POU3F3: variants seen among roughly 807,000 people sequenced by gnomAD.
The protein encoded by POU3F3 is POU domain, class 3, transcription factor 3.
POU3F3 carries 1 observed loss-of-function variant against 8.6 expected under a neutral mutation model. The ratio of observed to expected loss-of-function variants is 0.12; its 90% CI spans 0.04 to 0.55. POU3F3 has a LOEUF of 0.55. POU3F3 is among the 20% of genes least tolerant of loss of function. The pLI is 0.91. For synonymous variants in POU3F3, 418 were observed against 327.4 expected (o/e 1.28, Z -2.99); for missense variants, 577 against 690.7 (o/e 0.84, Z 1.84).
At chr2:104,912,394 C>T in the POU3F3 span, among the ~76,000 whole-genome samples, 1 of 152,280 alleles carries the variant, frequency 6.6e-6, no homozygotes, top group East Asian at 1.9e-4. Context: ...CCTTGCATTC[C>T]CACGCCAAAG....
At chr2:104,901,665 CAGT>C in the POU3F3 span, among the ~76,000 whole-genome samples, 6 of 152,200 alleles carry the variant, frequency 3.9e-5, no homozygotes, top group Admixed American at 3.9e-4. Flanking sequence ...AGTCCCCGAG[CAGT>C]TTGGTGTGAT....
chr2:104,868,508 C>T, the POU3F3 span: 7 of 376,390 alleles, frequency 1.9e-5, no homozygotes, highest in Non-Finnish European at 3.2e-5. Context: ...CTGCAGACCT[C>T]CAACTTCCAG....
chr2:104,900,257 G>A, the POU3F3 span, among the ~76,000 whole-genome samples: 596 of 152,274 alleles, frequency 3.9e-3, 2 homozygotes, highest in Non-Finnish European at 5.6e-3. Flanking sequence ...TGTACACTGC[G>A]CATGGTTAGA....
the POU3F3 span, among the ~76,000 whole-genome samples, chr2:104,876,685 C>T: frequency 8.5e-5 from 13 of 152,248 alleles, no homozygotes; most frequent in Middle Eastern, 3.4e-3. Context: ...ACTGTGGAGA[C>T]GGGGTCGTGG....
chr2:104,869,129 A>G, the POU3F3 span, among the ~76,000 whole-genome samples: 1 of 152,224 alleles, frequency 6.6e-6, no homozygotes, highest in African/African-American at 2.4e-5. Flanking sequence ...CTCCCTAGGG[A>G]CAAGCCCTTT....
the POU3F3 span, among the ~76,000 whole-genome samples, chr2:104,875,609 A>G: frequency 6.6e-6 from 1 of 152,372 alleles, no homozygotes; most frequent in South Asian, 2.1e-4. Flanking sequence ...TACAAATACA[A>G]TGAAATAAGA....
the POU3F3 span, among the ~76,000 whole-genome samples, chr2:104,922,047 T>C: frequency 6.6e-6 from 1 of 152,182 alleles, no homozygotes; most frequent in Non-Finnish European, 1.5e-5. Flanking sequence ...TCACAGTGCA[T>C]GCTCAAGGAT....
At position 104,857,070 on chromosome 2, in the gene POU3F3, A is replaced by C; in HGVS notation, c.*57A>C. 8.4e-7 allele frequency: 1 copy of C among 1,195,696 alleles called. No homozygotes were observed. Among genetic ancestry groups the C allele is most frequent in the Non-Finnish European group, 1.0e-6 (1 of 963,168 alleles). The allele number at this position is 1,195,696 out of a possible 1,614,324, so 74.1% of individuals were successfully genotyped here. On this transcript the variant is annotated 3_prime_UTR_variant, in exon 1 of 1. Transcript: ENST00000361360. ...CGCCGCCGCCTCCGCAGCCGCCGTC[A>C]GCACCGCCGCCGCCCCTGCCGCCGC...
At chr2:104,854,074 A>T (rs1020221486), upstream of POU3F3, among the ~76,000 whole-genome samples, 1 of 151,986 alleles carries the variant, frequency 6.6e-6, no homozygotes, top group African/African-American at 2.4e-5. The surrounding 1 kb of genome is among the most constrained non-coding windows in gnomAD (Gnocchi z 4.5). Context: ...TGTATTTGGG[A>T]AAGTGTGGTG....
chr2:104,872,061 CACACACACACAG>C, the POU3F3 span, among the ~76,000 whole-genome samples: 40 of 151,896 alleles, frequency 2.6e-4, no homozygotes, highest in African/African-American at 9.6e-4. The surrounding 1 kb of genome is among the most constrained non-coding windows in gnomAD (Gnocchi z 4.6). Flanking sequence ...CACCCCCGAA[CACACACACACAG>C]ACACACACAC....
chr2:104,861,326 T>A (rs1381869017), downstream of POU3F3, among the ~76,000 whole-genome samples: 3 of 152,224 alleles, frequency 2.0e-5, no homozygotes, highest in African/African-American at 7.2e-5. Flanking sequence ...CTAAAATGGA[T>A]GCAACAAGTA....
At chr2:104,874,511 A>C in the POU3F3 span, among the ~76,000 whole-genome samples, 7 of 152,156 alleles carry the variant, frequency 4.6e-5, no homozygotes, top group Non-Finnish European at 7.4e-5. Context: ...GAAGGAGGAG[A>C]GGTGCCAGTA....
the POU3F3 span, among the ~76,000 whole-genome samples, chr2:104,878,967 C>T: frequency 6.6e-6 from 1 of 151,936 alleles, no homozygotes; most frequent in South Asian, 2.1e-4. Flanking sequence ...ACACATAGCA[C>T]ACTCACACAA....
chr2:104,871,730 G>C, the POU3F3 span, among the ~76,000 whole-genome samples: 6 of 152,122 alleles, frequency 3.9e-5, no homozygotes, highest in Non-Finnish European at 8.8e-5. Flanking sequence ...TTCTCCAGAT[G>C]GGATCATAAA....
chr2:104,857,744 G>A lies in POU3F3; in HGVS notation c.*731G>A, dbSNP rs73944983. On this transcript the variant is annotated 3_prime_UTR_variant, in exon 1 of 1. Transcript: ENST00000361360. Reference sequence around the variant, plus strand: ...ATCAACTCTGAAATGGGAAGGAGGGGGGAAAAACAGTCTCCAAGAAAAAAA... The same window carrying A: ...ATCAACTCTGAAATGGGAAGGAGGGAGGAAAAACAGTCTCCAAGAAAAAAA... 0.041 allele frequency: 6,205 copies of A among 150,254 alleles called. 196 individuals are homozygous for A. The highest frequency in any genetic ancestry group is 0.14 in the East Asian group (741 of 5,158). The allele number at this position is 150,254 out of a possible 1,614,324, so 9.3% of individuals were successfully genotyped here.
At chr2:104,868,852 C>T in the POU3F3 span, among the ~76,000 whole-genome samples, 3 of 152,182 alleles carry the variant, frequency 2.0e-5, no homozygotes, top group Admixed American at 2.0e-4. Flanking sequence ...CTCTTCTAGT[C>T]AGGAAGAATA....
chr2:104,906,641 A>G, the POU3F3 span, among the ~76,000 whole-genome samples: 11 of 152,346 alleles, frequency 7.2e-5, no homozygotes, highest in African/African-American at 2.6e-4. Context: ...CTGTTCCAGC[A>G]AAGTTGTTTC....
the POU3F3 span, among the ~76,000 whole-genome samples, chr2:104,879,139 C>T: frequency 1.3e-5 from 2 of 152,114 alleles, no homozygotes; most frequent in South Asian, 4.2e-4. Context: ...CACACGTAAT[C>T]TTCAGTACAC....
At chr2:104,885,312 GA>G in the POU3F3 span, among the ~76,000 whole-genome samples, 1 of 152,176 alleles carries the variant, frequency 6.6e-6, no homozygotes, top group Non-Finnish European at 1.5e-5. Flanking sequence ...GAACCAGGGT[GA>G]CTCCATCTTG....
Sources: allele counts gnomAD v4.1 joint callset (sites outside exome capture counted in the v4.1 genomes callset), GRCh38; gene constraint gnomAD v4.1.1; non-coding constraint Gnocchi (gnomAD v3.1); transcripts MANE v1.5; gene names NCBI Gene and HGNC (gene_info 2026-07-23, HGNC 2026-07-21).